The following SCMH1 variants were observed in gnomAD, a reference collection of about 807,000 sequenced individuals.
The protein encoded by SCMH1 is Scm polycomb group protein homolog 1.
In SCMH1, 37 loss-of-function variants were observed where a neutral mutation model predicts 70.8. That is an observed-to-expected ratio of 0.52 (90% CI 0.40 to 0.69). SCMH1 has a LOEUF of 0.69. Ranked by LOEUF, SCMH1 falls within the 30% of genes least tolerant of loss-of-function variation. The pLI, the probability that SCMH1 is intolerant of heterozygous loss-of-function variation, is 0.00. For synonymous variants in SCMH1, 292 were observed against 307.4 expected, an observed-to-expected ratio of 0.95 and a Z score of 0.52; for missense variants, 607 against 827.3, an observed-to-expected ratio of 0.73 and a Z score of 3.27.
At chr1:41,194,990 G>A (rs181668225) in intron 1 of SCMH1, among the ~76,000 whole-genome samples, 1 of 151,830 alleles carries the variant, frequency 6.6e-6, no homozygotes, top group African/African-American at 2.4e-5. Context: ...AATTAGCTGC[G>A]CTTGGTGGCA....
At chr1:41,030,898 C>T (rs1424410138) in intron 13 of SCMH1, among the ~76,000 whole-genome samples, 3 of 152,194 alleles carry the variant, frequency 2.0e-5, no homozygotes, top group Non-Finnish European at 4.4e-5. Flanking sequence ...TCCAACCAGA[C>T]TATGTCTCTA....
At chr1:41,106,536 A>G (rs972857359) in intron 8 of SCMH1, among the ~76,000 whole-genome samples, 1 of 151,832 alleles carries the variant, frequency 6.6e-6, no homozygotes, top group Non-Finnish European at 1.5e-5. Context: ...CTTTATGGCA[A>G]TGCAAGAACA....
At chr1:41,060,008 G>GA (rs67619506) in intron 10 of SCMH1, among the ~76,000 whole-genome samples, 238 of 138,890 alleles carry the variant, frequency 1.7e-3, no homozygotes, top group East Asian at 3.5e-3. Flanking sequence ...AAAAAAGACT[G>GA]AAAAAAAAAA....
In SCMH1 at chr1:41,064,149, A is replaced by G. The variant is rs1172564376; in HGVS notation, c.1105+6446T>C. On this transcript the variant is annotated intron_variant, in intron 10 of 14. Transcript: ENST00000337495. The stretch of plus-strand genomic sequence containing the variant: ...ACAGGCTAAGTAAGAAAAATCAGAT[A>G]ATCATATCGATAGATGCAGAAAAAG... Among the ~76,000 whole-genome samples, 3 of 152,242 alleles carry G rather than the reference A, an allele frequency of 2.0e-5. No homozygotes were observed. The East Asian group carries it at 5.8e-4, about 29-fold the overall frequency.
intron 2 of SCMH1, among the ~76,000 whole-genome samples, chr1:41,168,632 C>CT (rs543282078): frequency 0.12 from 12,617 of 104,602 alleles, 790 homozygotes; most frequent in African/African-American, 0.16. Flanking sequence ...GGAGATTTGT[C>CT]TTTTTTTTTT....
At chr1:41,238,201 T>C (rs1159553891) in intron 1 of SCMH1, among the ~76,000 whole-genome samples, 1 of 152,164 alleles carries the variant, frequency 6.6e-6, no homozygotes, top group African/African-American at 2.4e-5. Context: ...CATGGGTATA[T>C]CCTCACTGCT....
intron 8 of SCMH1, among the ~76,000 whole-genome samples, chr1:41,088,213 C>G (rs1205966622): frequency 6.6e-6 from 1 of 151,962 alleles, no homozygotes; most frequent in Non-Finnish European, 1.5e-5. Flanking sequence ...AATTTGCTTA[C>G]TTTTGTAAAA....
intron 1 of SCMH1, among the ~76,000 whole-genome samples, chr1:41,225,701 A>C (rs894125986): frequency 6.6e-6 from 1 of 152,210 alleles, no homozygotes; most frequent in African/African-American, 2.4e-5. Context: ...GAAAGTGGAA[A>C]AGTAATAAGT....
chr1:41,189,730 G>A (rs1206523125), intron 1 of SCMH1, among the ~76,000 whole-genome samples: 1 of 152,218 alleles, frequency 6.6e-6, no homozygotes. Flanking sequence ...TGTATGCACA[G>A]AAAAGAACCC....
intron 6 of SCMH1, among the ~76,000 whole-genome samples, chr1:41,123,830 C>T (rs1393979973): frequency 1.3e-5 from 2 of 152,204 alleles, no homozygotes; most frequent in Non-Finnish European, 2.9e-5. Context: ...AACACACATA[C>T]GTATACATAT....
chr1:41,076,619 AG>A (rs571041616), intron 8 of SCMH1, among the ~76,000 whole-genome samples: 6 of 152,246 alleles, frequency 3.9e-5, no homozygotes, highest in Non-Finnish European at 5.9e-5. Flanking sequence ...CAAAATTTTA[AG>A]GGAAGTCCTC....
At chr1:41,083,901 G>A (rs1280525847) in intron 8 of SCMH1, among the ~76,000 whole-genome samples, 1 of 152,186 alleles carries the variant, frequency 6.6e-6, no homozygotes, top group Non-Finnish European at 1.5e-5. Context: ...AATAAATGGT[G>A]CTGGGAAAAC....
intron 5 of SCMH1, among the ~76,000 whole-genome samples, chr1:41,150,025 AT>A (rs540481702): frequency 0.016 from 2,377 of 147,844 alleles, 27 homozygotes; most frequent in Middle Eastern, 0.028. Flanking sequence ...CTGGACTCAC[AT>A]TTTTTTTTTC....
chr1:41,208,879 A>T (rs1313778716), intron 1 of SCMH1, among the ~76,000 whole-genome samples: 1 of 152,226 alleles, frequency 6.6e-6, no homozygotes, highest in East Asian at 1.9e-4. Context: ...AAATAAGATC[A>T]GAGCAGAACT....
At chr1:41,131,157 C>T (rs1054240036) in intron 6 of SCMH1, among the ~76,000 whole-genome samples, 3 of 152,168 alleles carry the variant, frequency 2.0e-5, no homozygotes, top group Non-Finnish European at 2.9e-5. Flanking sequence ...TTGAAAATCA[C>T]ATTGAACTGT....
intron 1 of SCMH1, among the ~76,000 whole-genome samples, chr1:41,193,074 G>A (rs1397763601): frequency 2.0e-5 from 3 of 152,212 alleles, no homozygotes; most frequent in African/African-American, 7.2e-5. Context: ...GATAGATTTG[G>A]CCTGTGGGCC....
At chr1:41,062,638 C>T (rs1186091192) in intron 10 of SCMH1, among the ~76,000 whole-genome samples, 1 of 151,266 alleles carries the variant, frequency 6.6e-6, no homozygotes, top group African/African-American at 2.4e-5. Flanking sequence ...ACTCAGGAGG[C>T]TGAGGAAGGA....
chr1:41,069,774 T>G (rs1655842129), intron 10 of SCMH1, among the ~76,000 whole-genome samples: 1 of 152,192 alleles, frequency 6.6e-6, no homozygotes, highest in African/African-American at 2.4e-5. Flanking sequence ...TGAAGACTAT[T>G]ACAGCCTGAC....
chr1:41,132,906 T>C (rs1167731938), intron 6 of SCMH1, among the ~76,000 whole-genome samples: 1 of 152,216 alleles, frequency 6.6e-6, no homozygotes, highest in Non-Finnish European at 1.5e-5. Flanking sequence ...TCTATATATC[T>C]GTTTTGGTAC....
Sources: allele counts gnomAD v4.1 joint callset (sites outside exome capture counted in the v4.1 genomes callset), GRCh38; gene constraint gnomAD v4.1.1; transcripts MANE v1.5; gene names NCBI Gene and HGNC (gene_info 2026-07-23, HGNC 2026-07-21).